ATP8B4: variants seen among roughly 807,000 people sequenced by gnomAD.
ATP8B4 encodes probable phospholipid-transporting ATPase IM.
Under a neutral mutation model 145.6 loss-of-function variants are expected in ATP8B4, and 133 were observed. The observed-to-expected ratio is 0.91, with a 90% CI of 0.79 to 1.05. ATP8B4 has a LOEUF of 1.05. Among genes scored for constraint, ATP8B4 ranks in the 50% least tolerant of loss-of-function variants. The pLI is 0.00. For missense variants in ATP8B4, 1,458 were observed against 1,425.2 expected, an observed-to-expected ratio of 1.02 and a Z score of -0.37; for synonymous variants, 507 against 492.9, an observed-to-expected ratio of 1.03 and a Z score of -0.38.
intron 10 of ATP8B4, chr15:49,982,319 A>G (rs1398691376): frequency 6.6e-6 from 1 of 152,226 alleles, no homozygotes; most frequent in Non-Finnish European, 1.5e-5. Context: ...GTACTGCAGT[A>G]TCCTATTCCT....
intron 23 of ATP8B4, among the ~76,000 whole-genome samples, chr15:49,882,226 T>C (rs1471747521): frequency 6.6e-6 from 1 of 152,056 alleles, no homozygotes; most frequent in Non-Finnish European, 1.5e-5. Context: ...CCAAGGTACA[T>C]GGTTCAGAGC....
intron 14 of ATP8B4, among the ~76,000 whole-genome samples, chr15:49,951,532 T>C (rs936338753): frequency 6.6e-6 from 1 of 152,212 alleles, no homozygotes; most frequent in Non-Finnish European, 1.5e-5. Context: ...TGCTTTTTTT[T>C]GCTTTCCATT....
At chr15:50,094,223 A>G (rs1193199751) in intron 2 of ATP8B4, among the ~76,000 whole-genome samples, 4 of 152,162 alleles carry the variant, frequency 2.6e-5, no homozygotes, top group Non-Finnish European at 5.9e-5. Context: ...GGATTCATCC[A>G]ATCAGCTCAA....
chr15:50,114,103 C>CTTTTTTTTTTATTTTTTT (rs2057081890), intron 1 of ATP8B4, among the ~76,000 whole-genome samples: 1 of 55,644 alleles, frequency 1.8e-5, no homozygotes, highest in Admixed American at 3.4e-4. Context: ...CTCCTAGTTT[C>CTTTTTTTTTTATTTTTTT]TTTTTTTTTT....
chr15:50,018,973 G>C, intron 6 of ATP8B4: 1 of 1,225,948 alleles, frequency 8.2e-7, no homozygotes, highest in South Asian at 1.3e-5. Flanking sequence ...TGTACCTTCA[G>C]CACCTTCATT....
rs149363916 is a variant in ATP8B4 at position 49,927,639 on chromosome 15, T to C, written c.1642+3480A>G. Among the ~76,000 whole-genome samples the C allele has an allele frequency of 4.2e-3, 636 of 152,240 alleles. 3 individuals are homozygous for C. Among genetic ancestry groups the C allele is most frequent in the African/African-American group, 0.015 (612 of 41,552 alleles). On this transcript the variant is annotated intron_variant, in intron 16 of 27. Transcript: ENST00000284509. ...GCTGCAATTTCTCCACAGCCTGTAA[T>C]GGTGACCAATGCTGAGGAAAAGCCA...
rs757584281 is a variant in ATP8B4 at position 49,923,457 on chromosome 15, T to A, written c.1680A>T (p.Lys560Asn). The part of the protein sequence containing the change: ...NPEGQIKLYS[K>N]GADTILFEKL... ...TTTCAAACAGAATAGTATCTGCTCCTTTGGAATAAAGCTTTATCTGTCCTT... is the reference window on the plus strand; with the variant it reads ...TTTCAAACAGAATAGTATCTGCTCCATTGGAATAAAGCTTTATCTGTCCTT... The change falls in exon 17 of 28, where the codon AAA becomes AAT. Residue 560 changes from lysine to asparagine, a missense_variant. Physicochemically the swap from Lys to Asn is moderately conservative, Grantham distance 94 (BLOSUM62 0). Transcript: ENST00000284509. The A allele has an allele frequency of 1.9e-6, 3 of 1,612,494 alleles. No homozygotes were observed. In the South Asian group the frequency reaches 3.3e-5, roughly 18 times the overall value.
At chr15:50,061,700 C>T (rs1225419748) in intron 3 of ATP8B4, among the ~76,000 whole-genome samples, 1 of 152,150 alleles carries the variant, frequency 6.6e-6, no homozygotes, top group Non-Finnish European at 1.5e-5. Flanking sequence ...TGGCACTTGG[C>T]TTTTTGAGTA....
chr15:50,084,163 G>T (rs1182768808), intron 2 of ATP8B4, among the ~76,000 whole-genome samples: 1 of 152,144 alleles, frequency 6.6e-6, no homozygotes, highest in African/African-American at 2.4e-5. Flanking sequence ...AAGGAATTTG[G>T]TGGAGGCGGT....
intron 18 of ATP8B4, among the ~76,000 whole-genome samples, 163 bp downstream of exon 18, chr15:49,920,083 C>T (rs1206071714): frequency 6.6e-6 from 1 of 152,160 alleles, no homozygotes; most frequent in Admixed American, 6.5e-5. Context: ...TAGGACCATA[C>T]ATGGAAAACT....
intron 14 of ATP8B4, among the ~76,000 whole-genome samples, chr15:49,942,630 TA>T (rs1045390703): frequency 1.3e-4 from 20 of 151,314 alleles, no homozygotes; most frequent in Middle Eastern, 3.4e-3. Flanking sequence ...AAAAAGTCAT[TA>T]AAAAAACATG....
intron 1 of ATP8B4, among the ~76,000 whole-genome samples, chr15:50,175,900 C>A (rs2044755097): frequency 6.6e-6 from 1 of 152,104 alleles, no homozygotes; most frequent in African/African-American, 2.4e-5. Context: ...CTTGCACACG[C>A]ATGTTTATAG....
intron 16 of ATP8B4, 120 bp downstream of exon 16, chr15:49,930,999 T>C: frequency 3.7e-6 from 4 of 1,079,468 alleles, no homozygotes; most frequent in Non-Finnish European, 5.4e-6. Flanking sequence ...CAAGAGTTTA[T>C]ACATAAAGTT....
In ATP8B4 at chr15:49,860,270, C is replaced by T. The variant is rs767800308; in HGVS notation, c.3503G>A (p.Ser1168Asn). 2.0e-5 allele frequency: 33 copies of T among 1,614,060 alleles called. No individual in the cohort carries two copies. The Middle Eastern group carries it at 6.6e-4, about 32-fold the overall frequency. Residue 1168 changes from serine (S) to asparagine (N), a missense_variant, in exon 28 of 28, where the codon AGC becomes AAC. Coordinates refer to ENST00000284509, the MANE Select transcript of ATP8B4 (RefSeq NM_024837.4). ...TTTCTTACATAAATTTTCAATCCAGCTAGTGCTATTATAATGTGTCTTTTC... is the reference window on the plus strand; with the variant it reads ...TTTCTTACATAAATTTTCAATCCAGTTAGTGCTATTATAATGTGTCTTTTC... ...GLEKTHYNST[S>N]WIENLCKKTT...
At chr15:50,171,284 C>T (rs2044670897) in intron 1 of ATP8B4, among the ~76,000 whole-genome samples, 1 of 152,126 alleles carries the variant, frequency 6.6e-6, no homozygotes. Flanking sequence ...GAACTTCCTC[C>T]AAGATAGACC....
chr15:49,863,731 T>C (rs1473615508), intron 26 of ATP8B4, among the ~76,000 whole-genome samples: 1 of 152,154 alleles, frequency 6.6e-6, no homozygotes, highest in Non-Finnish European at 1.5e-5. Context: ...TTTGAGCTCC[T>C]TGAAGCTTGG....
chr15:50,084,102 G>C (rs797009292), intron 2 of ATP8B4, among the ~76,000 whole-genome samples: 17 of 151,852 alleles, frequency 1.1e-4, no homozygotes, highest in African/African-American at 4.1e-4. Context: ...GAGTGTGCAG[G>C]GTTATTTTGC....
At chr15:50,037,624 C>T (rs2050938589) in intron 6 of ATP8B4, among the ~76,000 whole-genome samples, 1 of 152,192 alleles carries the variant, frequency 6.6e-6, no homozygotes. Flanking sequence ...GTGCAAAATG[C>T]ATACTTTTAA....
intron 23 of ATP8B4, among the ~76,000 whole-genome samples, chr15:49,891,503 T>C (rs372680563): frequency 1.1e-4 from 17 of 152,092 alleles, no homozygotes; most frequent in Admixed American, 8.5e-4. Flanking sequence ...TTTTTGTATT[T>C]TTAGTAGAGA....
Sources: gnomAD v4.1 joint callset for allele counts (sites outside exome capture counted in the v4.1 genomes callset) on GRCh38, gnomAD v4.1.1 for gene constraint, MANE v1.5 for transcripts, NCBI Gene and HGNC (gene_info 2026-07-23, HGNC 2026-07-21) for gene names.